The following PPDPFL variants were observed in gnomAD, a reference collection of about 807,000 sequenced individuals.
The protein encoded by PPDPFL is pancreatic progenitor cell differentiation and proliferation factor like, also known as pancreatic progenitor cell differentiation and proliferation factor-like protein.
PPDPFL carries 12 observed loss-of-function variants against 12.6 expected under a neutral mutation model. The ratio of observed to expected loss-of-function variants is 0.95; its 90% CI spans 0.61 to 1.54. The LOEUF (loss-of-function observed/expected upper bound fraction) is 1.54. PPDPFL is among the 40% of genes most tolerant of loss of function. PPDPFL has a pLI of 0.00. For synonymous variants in PPDPFL, 24 were observed against 32.7 expected (o/e 0.73, Z 0.91); for missense variants, 114 against 96.0 (o/e 1.19, Z -0.78).
At chr8:49,074,649 T>A (rs1808459603) in intron 4 of PPDPFL, 2 of 1,524,660 alleles carry the variant, frequency 1.3e-6, no homozygotes, top group African/African-American at 1.4e-5. Flanking sequence ...GTTTTGCTCA[T>A]ACCTTCAGGA....
At chr8:49,069,528 C>T (rs1394266785), upstream of PPDPFL, among the ~76,000 whole-genome samples, 6 of 152,152 alleles carry the variant, frequency 3.9e-5, no homozygotes, top group South Asian at 4.1e-4. Context: ...AACGCTTATA[C>T]GCTGTTGGTG....
chr8:49,061,960 C>T (rs1295118323), intron 1 of PPDPFL, among the ~76,000 whole-genome samples: 1 of 152,186 alleles, frequency 6.6e-6, no homozygotes, highest in Non-Finnish European at 1.5e-5. Flanking sequence ...TGGCCAACTC[C>T]TTCGTTTTAA....
chr8:49,069,070 T>C (rs541712700), upstream of PPDPFL, among the ~76,000 whole-genome samples: 69 of 152,318 alleles, frequency 4.5e-4, no homozygotes, highest in South Asian at 0.012. Context: ...TACAATATTA[T>C]ATTAGGCTAA....
intron 2 of PPDPFL, 124 bp downstream of exon 2, chr8:49,073,009 G>A: frequency 1.1e-6 from 1 of 876,920 alleles, no homozygotes; most frequent in South Asian, 1.6e-5. Flanking sequence ...TGGTGACAAT[G>A]AAGAAAGCAG....
chr8:49,057,611 C>A (rs914707597), intron 1 of PPDPFL, among the ~76,000 whole-genome samples: 17 of 152,106 alleles, frequency 1.1e-4, no homozygotes, highest in African/African-American at 4.1e-4. Flanking sequence ...AATGATACTT[C>A]ACTACACTCA....
chr8:49,069,313 C>T (rs1416852995), upstream of PPDPFL, among the ~76,000 whole-genome samples: 2 of 152,146 alleles, frequency 1.3e-5, no homozygotes, highest in Non-Finnish European at 2.9e-5. Flanking sequence ...TGCAATCTAG[C>T]AGACACATGT....
At chr8:49,073,244 A>T (rs551392261) in intron 2 of PPDPFL, among the ~76,000 whole-genome samples, 2 of 152,350 alleles carry the variant, frequency 1.3e-5, no homozygotes, top group East Asian at 1.9e-4. Flanking sequence ...AGATAGCATG[A>T]CTTTGCTTCA....
chr8:49,074,325 T>G lies in PPDPFL; in HGVS notation c.225T>G (p.Ser75=). The change falls in exon 4 of 5, where the codon TCT becomes TCG. Residue 75 remains serine, a synonymous_variant. Coordinates refer to ENST00000522267, the MANE Select transcript of PPDPFL (RefSeq NM_001256597.2). The part of the protein sequence containing the change: ...VLSNVRIKDL[S]ATGLQMSTL Reference sequence around the variant, plus strand: ...CAAATGTGAGAATAAAAGATCTGTCTGCTACTGGGTGAGTTTTAGCCTTCT... The same window carrying G: ...CAAATGTGAGAATAAAAGATCTGTCGGCTACTGGGTGAGTTTTAGCCTTCT... 1 of 1,613,768 alleles carries G rather than the reference T, an allele frequency of 6.2e-7. No homozygotes were observed. Among genetic ancestry groups the G allele is most frequent in the Non-Finnish European group, 8.5e-7 (1 of 1,179,638 alleles).
chr8:49,071,274 C>T (rs529585694), upstream of PPDPFL, among the ~76,000 whole-genome samples: 1 of 152,190 alleles, frequency 6.6e-6, no homozygotes. Context: ...CAACCAATAG[C>T]CACTGAACAA....
At chr8:49,058,844 G>A (rs1416606301) in intron 1 of PPDPFL, among the ~76,000 whole-genome samples, 2 of 152,122 alleles carry the variant, frequency 1.3e-5, no homozygotes, top group African/African-American at 4.8e-5. Context: ...AGGGCTGAGC[G>A]CCACCTCCAC....
chr8:49,060,400 G>A (rs893161907), intron 1 of PPDPFL, among the ~76,000 whole-genome samples: 7 of 151,926 alleles, frequency 4.6e-5, no homozygotes, highest in Admixed American at 1.3e-4. Context: ...CTCAACCTCC[G>A]CCTCCTGGGT....
intron 1 of PPDPFL, among the ~76,000 whole-genome samples, chr8:49,059,585 T>C (rs778142117): frequency 6.6e-6 from 1 of 152,224 alleles, no homozygotes; most frequent in Non-Finnish European, 1.5e-5. Context: ...ACTATTGTTA[T>C]GCAAACACTT....
intron 1 of PPDPFL, among the ~76,000 whole-genome samples, chr8:49,058,224 C>T (rs1451546723): frequency 6.6e-6 from 1 of 152,194 alleles, no homozygotes; most frequent in Non-Finnish European, 1.5e-5. Context: ...CTTGAGGTTA[C>T]ATTTCTTCCC....
intron 1 of PPDPFL, among the ~76,000 whole-genome samples, chr8:49,061,075 C>A (rs575031662): frequency 7.9e-5 from 12 of 152,030 alleles, no homozygotes; most frequent in Admixed American, 7.8e-4. Context: ...GCAGTGTGGA[C>A]CCTGTCATGG....
At chr8:49,070,647 A>G (rs1808367877), upstream of PPDPFL, among the ~76,000 whole-genome samples, 1 of 152,190 alleles carries the variant, frequency 6.6e-6, no homozygotes, top group African/African-American at 2.4e-5. Context: ...TAAAGCAGAG[A>G]GGGAGAAGAG....
At chr8:49,057,629 G>T (rs946192796) in intron 1 of PPDPFL, among the ~76,000 whole-genome samples, 6 of 151,916 alleles carry the variant, frequency 3.9e-5, no homozygotes, top group African/African-American at 1.2e-4. Context: ...TCACCAAAAG[G>T]CCTACACTCA....
At chr8:49,072,723 G>C in intron 1 of PPDPFL, 64 bp from the exon 2 acceptor site, 1 of 721,004 alleles carries the variant, frequency 1.4e-6, no homozygotes, top group South Asian at 2.1e-5. Flanking sequence ...CAGTCACGTG[G>C]AAAAAAGAAA....
upstream of PPDPFL, among the ~76,000 whole-genome samples, chr8:49,071,837 G>GTCCATCTC (rs1481615218): frequency 6.6e-6 from 1 of 152,038 alleles, no homozygotes; most frequent in Non-Finnish European, 1.5e-5. Context: ...CTGTCCATCT[G>GTCCATCTC]TCCATCAAGT....
intron 2 of PPDPFL, 33 bp downstream of exon 2, chr8:49,072,918 T>A (rs1002964575): frequency 1.3e-6 from 2 of 1,555,796 alleles, no homozygotes; most frequent in Non-Finnish European, 1.8e-6. Flanking sequence ...CGTCCCTAGA[T>A]AATATGATTT....
Sources: allele counts gnomAD v4.1 joint callset (sites outside exome capture counted in the v4.1 genomes callset), GRCh38; gene constraint gnomAD v4.1.1; transcripts MANE v1.5; gene names NCBI Gene and HGNC (gene_info 2026-07-23, HGNC 2026-07-21).